The following FCGRT variants were observed in gnomAD, a reference collection of about 807,000 sequenced individuals.
FCGRT encodes Fc gamma receptor and transporter, also known as IgG receptor FcRn large subunit p51.
Under a neutral mutation model 35.7 loss-of-function variants are expected in FCGRT, and 13 were observed. The observed-to-expected ratio is 0.36, with a 90% confidence interval of 0.24 to 0.58. FCGRT has a LOEUF of 0.58. FCGRT is among the 20% of genes least tolerant of loss of function. The probability of loss-of-function intolerance (pLI) is 0.77; values close to 1 mark genes in which losing one functional copy is unlikely to be tolerated. For missense variants in FCGRT, 455 were observed against 474.9 expected (o/e 0.96, Z 0.39); for synonymous variants, 233 against 216.5 (o/e 1.08, Z -0.67).
rs564104509 is a variant in FCGRT at position 49,522,340 on chromosome 19, C to T, written c.602-2167C>T. ...AGTGATCCACCTCATTCTCCCAAAGCGCTGGGATTGTAGGAGTGAGCCACT... is the reference window on the plus strand; with the variant it reads ...AGTGATCCACCTCATTCTCCCAAAGTGCTGGGATTGTAGGAGTGAGCCACT... On this transcript the variant is annotated intron_variant, in intron 4 of 6. Coordinates refer to ENST00000221466, the MANE Select transcript of FCGRT (RefSeq NM_001136019.3). 2.6e-5 allele frequency among the ~76,000 whole-genome samples: 4 copies of T among 152,032 alleles called. No homozygotes were observed. In the South Asian group the frequency reaches 6.2e-4, roughly 24 times the overall value.
At chr19:49,517,525 GAGAGAA>G (rs1193245470) in intron 4 of FCGRT, among the ~76,000 whole-genome samples, 10 of 149,846 alleles carry the variant, frequency 6.7e-5, no homozygotes, top group African/African-American at 2.5e-4. Flanking sequence ...AGGAGAGGGA[GAGAGAA>G]AGAGGAAGGA....
In FCGRT at chr19:49,514,198, T is replaced by G. The variant is rs1568698773; in HGVS notation, c.326-13T>G. On this transcript the variant is annotated splice_polypyrimidine_tract_variant and intron_variant, in intron 3 of 6. Coordinates refer to ENST00000221466, the MANE Select transcript of FCGRT (RefSeq NM_001136019.3). ...GCTCCGGGGCCCCGCTTACCTGTGTTTGGGCGCCCCAGGTCCCTACACTCT... is the reference window on the plus strand; with the variant it reads ...GCTCCGGGGCCCCGCTTACCTGTGTGTGGGCGCCCCAGGTCCCTACACTCT... 6.2e-7 allele frequency: 1 copy of G among 1,609,010 alleles called. No homozygotes were observed. Among genetic ancestry groups the G allele is most frequent in the Non-Finnish European group, 8.5e-7 (1 of 1,176,890 alleles).
chr19:49,513,250 G>A, intron 1 of FCGRT, 137 bp from the exon 2 acceptor site: 1 of 400,856 alleles, frequency 2.5e-6, no homozygotes, highest in Non-Finnish European at 4.4e-6. Flanking sequence ...TCAGGTACGA[G>A]GAGGGCATTG....
Position 49,514,031 on chromosome 19 carries a change from G to A in FCGRT, c.223G>A (p.Val75Ile). ...CGAGGCGGAGCCCTGTGGAGCTTGG[G>A]TCTGGGAAAACCAGGTGTCCTGGTA... is the stretch of plus-strand genomic sequence containing the variant. ...RGEAEPCGAW[V>I]WENQVSWYWE... is the part of the protein sequence containing the mutation. Residue 75 changes from valine (V) to isoleucine (I), a missense_variant, in exon 3 of 7, where the codon GTC becomes ATC. Physicochemically the swap from Val to Ile is conservative, Grantham distance 29 (BLOSUM62 3). Coordinates refer to ENST00000221466, the MANE Select transcript of FCGRT (RefSeq NM_001136019.3). The A allele has an allele frequency of 6.2e-7, 1 of 1,612,398 alleles. No homozygotes were observed. Among genetic ancestry groups the A allele is most frequent in the Non-Finnish European group, 8.5e-7 (1 of 1,180,028 alleles).
In FCGRT at chr19:49,525,157, G is replaced by A. The variant is rs2080066662; in HGVS notation, c.872-300G>A. On this transcript the variant is annotated intron_variant, in intron 5 of 6. Coordinates refer to ENST00000221466, the MANE Select transcript of FCGRT (RefSeq NM_001136019.3). ...ACTGCCTGCTGCTTTGCTACTGCCC[G>A]GGCCCATGAGACTGACTTCCCACTG... The A allele has an allele frequency of 2.2e-5, 11 of 510,704 alleles. No homozygotes were observed. The Middle Eastern group carries it at 1.0e-3, about 48-fold the overall frequency. The allele number at this position is 510,704 out of a possible 1,614,324, so 31.6% of individuals were successfully genotyped here. A position where few individuals can be genotyped will look rare whatever the true frequency, so the allele number is the denominator to read the frequency against.
chr19:49,514,489 G>A lies in FCGRT; in HGVS notation c.601+3G>A, dbSNP rs756744367. ...CCGCGGAAACCTGGAGTGGAAGGGT[G>A]AGCCGGATCTGCAGCCGCAGGCTGT... On this transcript the variant is annotated splice_donor_region_variant and intron_variant, in intron 4 of 6. Transcript: ENST00000221466. 5 of 1,538,556 alleles carry A rather than the reference G, an allele frequency of 3.2e-6. No homozygotes were observed. The highest frequency in any genetic ancestry group is 8.8e-7 in the Non-Finnish European group (1 of 1,140,278).
At chr19:49,523,082 C>T (rs1043093431) in intron 4 of FCGRT, among the ~76,000 whole-genome samples, 2 of 151,880 alleles carry the variant, frequency 1.3e-5, no homozygotes, top group Non-Finnish European at 2.9e-5. Context: ...TGGCCAAGTT[C>T]TCTTTCTTAT....
chr19:49,524,748 G>A lies in FCGRT; in HGVS notation c.843G>A (p.Gly281=). Reference sequence around the variant, plus strand: ...ACTGCTGCATTGTGCAGCACGCGGGGCTGGCGCAGCCCCTCAGGGTGGAGC... The same window carrying A: ...ACTGCTGCATTGTGCAGCACGCGGGACTGGCGCAGCCCCTCAGGGTGGAGC... The part of the protein sequence containing the change: ...HHYCCIVQHA[G]LAQPLRVELE... Residue 281 remains glycine (G), a synonymous_variant, in exon 5 of 7, where the codon GGG becomes GGA. Coordinates refer to ENST00000221466, the MANE Select transcript of FCGRT (RefSeq NM_001136019.3). 1.9e-6 allele frequency: 3 copies of A among 1,601,098 alleles called. No individual in the cohort carries two copies. The highest frequency in any genetic ancestry group is 2.5e-6 in the Non-Finnish European group (3 of 1,179,852).
intron 6 of FCGRT, 156 bp from the exon 7 acceptor site, chr19:49,525,854 G>A (rs1252232302): frequency 1.2e-5 from 9 of 721,372 alleles, no homozygotes; most frequent in East Asian, 7.5e-5. Context: ...GAAAGAGGGG[G>A]GACGGAAAAT....
intron 4 of FCGRT, among the ~76,000 whole-genome samples, chr19:49,518,488 C>T (rs926872223): frequency 3.9e-5 from 6 of 151,976 alleles, no homozygotes; most frequent in Admixed American, 6.6e-5. Context: ...ACTTCAGCCT[C>T]CCCAGTAGGT....
chr19:49,513,354 T>TGGGGGGGGGGGG, intron 1 of FCGRT, 33 bp from the exon 2 acceptor site: 6 of 380,722 alleles, frequency 1.6e-5, no homozygotes, highest in Admixed American at 6.4e-5. Context: ...GGGCCGGGGG[T>TGGGGGGGGGGGG]CGGGAGGAGT....
chr19:49,523,044 T>A (rs1195373388), intron 4 of FCGRT, among the ~76,000 whole-genome samples: 1 of 151,970 alleles, frequency 6.6e-6, no homozygotes, highest in African/African-American at 2.4e-5. Context: ...CCCAAAGTGC[T>A]GGGATTACAG....
rs552700082 is a variant in FCGRT, at chr19:49,525,495, G to A, written c.910G>A (p.Val304Ile). The A allele has an allele frequency of 5.0e-6, 8 of 1,613,904 alleles. No homozygotes were observed. Among genetic ancestry groups the A allele is most frequent in the East Asian group, 2.2e-5 (1 of 44,878 alleles). The change falls in exon 6 of 7, where the codon GTC (valine) becomes ATC (isoleucine). Residue 304 changes from valine (V) to isoleucine (I), a missense_variant. Val to Ile is a conservative substitution (Grantham distance 29, BLOSUM62 3). Transcript: ENST00000221466. ...GTCCTCCGTGCTCGTGGTGGGAATC[G>A]TCATCGGTGTCTTGCTACTCACGGC... ...AKSSVLVVGI[V>I]IGVLLLTAAA...
chr19:49,522,149 A>G (rs2080044851), intron 4 of FCGRT, among the ~76,000 whole-genome samples: 2 of 147,318 alleles, frequency 1.4e-5, no homozygotes, highest in South Asian at 2.1e-4. Flanking sequence ...AGGTGTGATC[A>G]TAACTCACTC....
At chr19:49,515,597 T>TAAA (rs2080002949) in intron 4 of FCGRT, among the ~76,000 whole-genome samples, 1 of 152,000 alleles carries the variant, frequency 6.6e-6, no homozygotes, top group Non-Finnish European at 1.5e-5. Flanking sequence ...GGCTAATTTT[T>TAAA]AAAATTTGTT....
chr19:49,523,396 G>A (rs1043188060), intron 4 of FCGRT, among the ~76,000 whole-genome samples: 8 of 151,908 alleles, frequency 5.3e-5, no homozygotes, highest in East Asian at 1.9e-4. Context: ...GTGAAACACC[G>A]TCTCTACTAA....
chr19:49,523,596 C>A (rs866838130), intron 4 of FCGRT, among the ~76,000 whole-genome samples: 3 of 149,666 alleles, frequency 2.0e-5, no homozygotes, highest in South Asian at 2.1e-4. Context: ...CGTGGTGGCT[C>A]ACACCTGTAA....
At chr19:49,513,287 G>C (rs974747483) in intron 1 of FCGRT, 100 bp from the exon 2 acceptor site, 8 of 458,826 alleles carry the variant, frequency 1.7e-5, no homozygotes, top group South Asian at 1.2e-4. Flanking sequence ...AGCCCGCAGA[G>C]CCCCTCCTCG....
At chr19:49,513,644 C>T in intron 2 of FCGRT, 171 bp downstream of exon 2, 1 of 453,846 alleles carries the variant, frequency 2.2e-6, no homozygotes, top group Non-Finnish European at 3.7e-6. Context: ...CTGGGAACCA[C>T]CTGTCGCCTC....
Sources: allele counts gnomAD v4.1 joint callset (sites outside exome capture counted in the v4.1 genomes callset), GRCh38; gene constraint gnomAD v4.1.1; transcripts MANE v1.5; gene names NCBI Gene and HGNC (gene_info 2026-07-23, HGNC 2026-07-21).